Variants in ZFAND3 observed in about 807,000 individuals in gnomAD.
ZFAND3 encodes the protein zinc finger AN1-type containing 3, also known as AN1-type zinc finger protein 3.
Under a neutral mutation model 29.6 loss-of-function variants are expected in ZFAND3, and 10 were observed. That is an observed-to-expected ratio of 0.34 (90% CI 0.21 to 0.57). The LOEUF is 0.57. Among genes scored for constraint, ZFAND3 ranks in the 20% least tolerant of loss-of-function variants. ZFAND3 has a pLI of 0.86. For missense variants in ZFAND3, 230 were observed against 304.5 expected (o/e 0.76, Z 1.82); for synonymous variants, 128 against 112.6 (o/e 1.14, Z -0.87).
intron 2 of ZFAND3, among the ~76,000 whole-genome samples, chr6:37,946,754 T>C (rs1761910794): frequency 6.6e-6 from 1 of 152,212 alleles, no homozygotes; most frequent in South Asian, 2.1e-4. Flanking sequence ...CTTGACAACA[T>C]TATGCTAAGT....
chr6:37,984,047 CT>C (rs1422379887), intron 2 of ZFAND3, among the ~76,000 whole-genome samples: 1 of 152,070 alleles, frequency 6.6e-6, no homozygotes, highest in Non-Finnish European at 1.5e-5. Context: ...GGGTTATAGT[CT>C]TTTTGAAAGC....
rs147029360 is a variant in ZFAND3, at chr6:38,116,607, C to T, written c.397C>T (p.Arg133Trp). Residue 133 changes from arginine to tryptophan, a missense_variant, in exon 5 of 6, where the codon CGG becomes TGG. Coordinates refer to ENST00000287218, the MANE Select transcript of ZFAND3 (RefSeq NM_021943.3). Reference protein sequence around the residue: ...QSENEASPVKRPRLLENTERS... With the variant: ...QSENEASPVKWPRLLENTERS... The stretch of plus-strand genomic sequence containing the variant: ...TGAGAATGAGGCTTCACCAGTAAAA[C>T]GGCCACGACTACTTGAGAATACGGA... The T allele has an allele frequency of 3.7e-6, 6 of 1,613,346 alleles. No homozygotes were observed. The highest frequency in any genetic ancestry group is 1.7e-5 in the Admixed American group (1 of 60,002).
chr6:38,052,876 A>G (rs2127460622), intron 2 of ZFAND3, among the ~76,000 whole-genome samples: 1 of 152,068 alleles, frequency 6.6e-6, no homozygotes, highest in Non-Finnish European at 1.5e-5. Flanking sequence ...TGTCTCTACT[A>G]AAAACACAAA....
Position 37,989,764 on chromosome 6 carries a change from GTAGTTTTTGTGATTT to G in ZFAND3, c.112+59783_112+59797del, listed in dbSNP as rs1171070680. The stretch of plus-strand genomic sequence containing the variant: ...CAAGAAGCCAGTGTTGGCTGGCACG[GTAGTTTTTGTGATTT>G]TAGTTTTTGTGATTTTATTTGCATT... On this transcript the variant is annotated intron_variant, in intron 2 of 5. Transcript: ENST00000287218. Among the ~76,000 whole-genome samples, 5 of 152,192 alleles carry G rather than the reference GTAGTTTTTGTGATTT, an allele frequency of 3.3e-5. No individual in the cohort carries two copies. In the East Asian group the frequency reaches 7.7e-4, roughly 23 times the overall value.
chr6:38,120,518 G>T (rs1395367141), intron 5 of ZFAND3, among the ~76,000 whole-genome samples: 1 of 151,462 alleles, frequency 6.6e-6, no homozygotes, highest in Non-Finnish European at 1.5e-5. Context: ...TACAGACAGG[G>T]ATTCATCATG....
At chr6:38,099,101 A>G (rs1765041786) in intron 4 of ZFAND3, among the ~76,000 whole-genome samples, 1 of 152,128 alleles carries the variant, frequency 6.6e-6, no homozygotes, top group Non-Finnish European at 1.5e-5. Context: ...AACAACTGAG[A>G]ACTCTTCTTT....
rs374121487 is a variant in ZFAND3, at chr6:37,977,869, T to TTCCTTCCTTCCTTCC, written c.112+47871_112+47872insCCTTCCTTCCTTCCT. On this transcript the variant is annotated intron_variant, in intron 2 of 5. Coordinates refer to ENST00000287218, the MANE Select transcript of ZFAND3 (RefSeq NM_021943.3). ...CTTCCTTCCTTCCTTCCTTCCTTCC[T>TTCCTTCCTTCCTTCC]TTCCTTCTTCCTTCCTTTCTCTCCT... 1.5e-3 allele frequency among the ~76,000 whole-genome samples: 145 copies of TTCCTTCCTTCCTTCC among 94,802 alleles called. 1 individual carries two copies. Among genetic ancestry groups the TTCCTTCCTTCCTTCC allele is most frequent in the Non-Finnish European group, 2.9e-3 (126 of 42,876 alleles). The allele number at this position is 94,802 out of a possible 152,430, so 62.2% of individuals were successfully genotyped here. A position where few individuals can be genotyped will look rare whatever the true frequency, so the allele number is the denominator to read the frequency against.
intron 5 of ZFAND3, among the ~76,000 whole-genome samples, chr6:38,139,768 A>G (rs967569190): frequency 9.9e-5 from 15 of 152,170 alleles, no homozygotes; most frequent in Admixed American, 3.9e-4. Context: ...AAGCTGTTGC[A>G]GTAGCCTCGG....
At chr6:37,979,929 TA>T (rs1234574640) in intron 2 of ZFAND3, among the ~76,000 whole-genome samples, 5 of 152,334 alleles carry the variant, frequency 3.3e-5, no homozygotes, top group Admixed American at 1.3e-4. Context: ...GAGCCTTTGT[TA>T]AAAAATTATT....
chr6:37,973,120 G>C (rs1412479324), intron 2 of ZFAND3, among the ~76,000 whole-genome samples: 1 of 151,738 alleles, frequency 6.6e-6, no homozygotes, highest in African/African-American at 2.4e-5. Context: ...TGCTGATTTG[G>C]TAAAACTGTC....
intron 2 of ZFAND3, among the ~76,000 whole-genome samples, chr6:38,059,968 G>A (rs746314003): frequency 2.6e-5 from 4 of 152,118 alleles, no homozygotes; most frequent in African/African-American, 4.8e-5. Flanking sequence ...CATTAAAATC[G>A]TCCCCTGTAG....
chr6:37,838,380 A>G (rs1488198541), intron 1 of ZFAND3, among the ~76,000 whole-genome samples: 2 of 152,208 alleles, frequency 1.3e-5, no homozygotes, highest in African/African-American at 4.8e-5. Flanking sequence ...GTCTCTTCAC[A>G]AAGTTATGCA....
intron 2 of ZFAND3, among the ~76,000 whole-genome samples, chr6:37,976,883 TG>T (rs1276365075): frequency 1.4e-4 from 22 of 152,088 alleles, no homozygotes; most frequent in Middle Eastern, 3.4e-3. Flanking sequence ...TGGGGACACG[TG>T]GGGATTACAA....
chr6:37,979,364 A>T (rs577978926), intron 2 of ZFAND3, among the ~76,000 whole-genome samples: 40 of 152,278 alleles, frequency 2.6e-4, no homozygotes, highest in African/African-American at 9.6e-4. Flanking sequence ...TGGGTGGCAG[A>T]TACTGTGAGA....
intron 1 of ZFAND3, among the ~76,000 whole-genome samples, chr6:37,828,419 C>T (rs925118897): frequency 5.9e-5 from 9 of 152,000 alleles, no homozygotes; most frequent in Admixed American, 1.3e-4. Flanking sequence ...AGGATGCTTT[C>T]GGCAGAAAAA....
chr6:37,971,825 C>T (rs1423989734), intron 2 of ZFAND3, among the ~76,000 whole-genome samples: 1 of 65,456 alleles, frequency 1.5e-5, no homozygotes, highest in African/African-American at 6.1e-5. Flanking sequence ...CCCATCTGTA[C>T]AAAATGAAAA....
intron 1 of ZFAND3, among the ~76,000 whole-genome samples, chr6:37,863,706 T>C (rs1764535676): frequency 6.6e-6 from 1 of 152,104 alleles, no homozygotes; most frequent in Admixed American, 6.5e-5. Context: ...ATCCACTTAA[T>C]TAGGACCAGG....
intron 2 of ZFAND3, among the ~76,000 whole-genome samples, chr6:37,988,467 T>C (rs1762706859): frequency 6.6e-6 from 1 of 152,238 alleles, no homozygotes; most frequent in South Asian, 2.1e-4. Flanking sequence ...ATTTTGTCTT[T>C]GTATCTCGCA....
At chr6:37,907,413 G>A (rs1270727886) in intron 1 of ZFAND3, among the ~76,000 whole-genome samples, 1 of 152,002 alleles carries the variant, frequency 6.6e-6, no homozygotes, top group East Asian at 1.9e-4. Flanking sequence ...CGCGCCCCTT[G>A]GTGAACACTG....
Sources: gnomAD v4.1 joint callset for allele counts (sites outside exome capture counted in the v4.1 genomes callset) on GRCh38, gnomAD v4.1.1 for gene constraint, MANE v1.5 for transcripts, NCBI Gene and HGNC (gene_info 2026-07-23, HGNC 2026-07-21) for gene names.